Variants in EPCAM observed in about 807,000 individuals in gnomAD.
EPCAM encodes epithelial cell adhesion molecule.
EPCAM carries 39 observed loss-of-function variants against 40.0 expected under a neutral mutation model. The observed-to-expected ratio is 0.98, with a 90% CI of 0.76 to 1.27. The LOEUF is 1.27. EPCAM is among the 50% of genes most tolerant of loss of function. The probability of loss-of-function intolerance (pLI) is 0.00; values close to 1 mark genes in which losing one functional copy is unlikely to be tolerated. For missense variants in EPCAM, 503 were observed against 381.2 expected, an observed-to-expected ratio of 1.32 and a Z score of -2.66; for synonymous variants, 168 against 132.3, an observed-to-expected ratio of 1.27 and a Z score of -1.85.
At chr2:47,380,366 C>T (rs928837268) in intron 7 of EPCAM, among the ~76,000 whole-genome samples, 6 of 152,092 alleles carry the variant, frequency 3.9e-5, no homozygotes, top group African/African-American at 1.4e-4. Flanking sequence ...TATTCCAAAA[C>T]ATTCAGGGAA....
At chr2:47,379,147 C>A in intron 6 of EPCAM, 93 bp downstream of exon 6, 1 of 780,396 alleles carries the variant, frequency 1.3e-6, no homozygotes, top group Non-Finnish European at 2.3e-6. Context: ...TATCCACTTA[C>A]AGATCAACCA....
rs1008581441 is a variant in EPCAM at position 47,385,951 on chromosome 2, T to C, written c.904-621T>C. Among the ~76,000 whole-genome samples the C allele has an allele frequency of 2.0e-5, 3 of 152,252 alleles. No individual in the cohort carries two copies. In the East Asian group the frequency reaches 5.8e-4, roughly 29 times the overall value. On this transcript the variant is annotated intron_variant, in intron 8 of 8. Coordinates refer to ENST00000263735, the MANE Select transcript of EPCAM (RefSeq NM_002354.3). ...TGGTAACAGACAGGCAGAATGACAA[T>C]GTAGTGTTGCAGTGCAGAGCAGTAC...
intron 1 of EPCAM, among the ~76,000 whole-genome samples, chr2:47,371,363 C>G (rs1359866544): frequency 6.7e-6 from 1 of 149,030 alleles, no homozygotes; most frequent in Non-Finnish European, 1.5e-5. Flanking sequence ...CAGGCTCAAG[C>G]GATGCTCTTA....
At position 47,373,985 on chromosome 2, in the gene EPCAM, C is replaced by G. The variant is rs906837557; in HGVS notation, c.362C>G (p.Thr121Ser). 4 of 1,614,164 alleles carry G rather than the reference C, an allele frequency of 2.5e-6. No individual in the cohort carries two copies. The South Asian group carries it at 4.4e-5, about 18-fold the overall frequency. The change falls in exon 3 of 9, where the codon ACT becomes AGT. Residue 121 changes from threonine to serine, a missense_variant. By Grantham distance (58) the Thr-to-Ser change is moderately conservative. Transcript: ENST00000263735. ...ACCTCCATGTGCTGGTGTGTGAACA[C>G]TGCTGGGGTCAGAAGAACAGACAAG... ...NGTSMCWCVN[T>S]AGVRRTDKDT...
intron 7 of EPCAM, among the ~76,000 whole-genome samples, chr2:47,383,600 GCTT>G (rs748996681): frequency 6.7e-5 from 7 of 104,566 alleles, no homozygotes; most frequent in South Asian, 7.2e-4. Context: ...ACTGTGCCCG[GCTT>G]CTTCTTTTTT....
intron 3 of EPCAM, among the ~76,000 whole-genome samples, chr2:47,375,027 G>A (rs901107816): frequency 6.6e-6 from 1 of 152,174 alleles, no homozygotes; most frequent in African/African-American, 2.4e-5. Context: ...TGTGTCCAGA[G>A]AACAGAGGGT....
intron 4 of EPCAM, among the ~76,000 whole-genome samples, chr2:47,376,056 G>A (rs1265906530): frequency 1.3e-5 from 2 of 151,992 alleles, no homozygotes; most frequent in African/African-American, 4.8e-5. Context: ...ATTGTCCTTT[G>A]TAGTAATTTT....
chr2:47,384,514 A>G (rs1311609953), intron 7 of EPCAM, among the ~76,000 whole-genome samples: 2 of 151,306 alleles, frequency 1.3e-5, no homozygotes, highest in African/African-American at 2.4e-5. Context: ...CTCGGGTTCA[A>G]GTGATTTTCC....
chr2:47,386,470 CTT>C, intron 8 of EPCAM, 100 bp from the exon 9 acceptor site: 1 of 875,298 alleles, frequency 1.1e-6, no homozygotes, highest in Non-Finnish European at 1.8e-6. Flanking sequence ...AAAAAATTAT[CTT>C]GTGTTCCTTT....
Position 47,373,939 on chromosome 2 carries a change from A to G in EPCAM, c.316A>G (p.Lys106Glu), listed in dbSNP as rs1224313568. Residue 106 changes from lysine to glutamate, a missense_variant, in exon 3 of 9, where the codon AAG becomes GAG. By Grantham distance (56) the Lys-to-Glu change is moderately conservative. Transcript: ENST00000263735. ...DPDCDESGLF[K>E]AKQCNGTSMC... ...TGACTGCGATGAGAGCGGGCTCTTT[A>G]AGGCCAAGCAGTGCAACGGCACCTC... The G allele has an allele frequency of 6.2e-7, 1 of 1,614,098 alleles. No homozygotes were observed. Among genetic ancestry groups the G allele is most frequent in the South Asian group, 1.1e-5 (1 of 91,072 alleles).
chr2:47,385,160 A>C lies in EPCAM; in HGVS notation c.859-6A>C, dbSNP rs150307203. The C allele has an allele frequency of 6.2e-7, 1 of 1,610,588 alleles. No homozygotes were observed. Among genetic ancestry groups the C allele is most frequent in the Admixed American group, 1.7e-5 (1 of 59,972 alleles). ...CTAAAACAATAGTTGTCTTTCTTCC[A>C]CTCAGGTTATTTCCAGAAAGAAGAG... On this transcript the variant is annotated splice_polypyrimidine_tract_variant and splice_region_variant and intron_variant, in intron 7 of 8. Transcript: ENST00000263735.
intron 1 of EPCAM, 71 bp from the exon 2 acceptor site, chr2:47,373,392 A>G (rs954292257): frequency 1.9e-5 from 18 of 956,574 alleles, no homozygotes; most frequent in South Asian, 9.7e-5. Flanking sequence ...TATTATTACA[A>G]TATAACTTAG....
chr2:47,375,997 C>T (rs1222242488), intron 4 of EPCAM, among the ~76,000 whole-genome samples: 2 of 152,108 alleles, frequency 1.3e-5, no homozygotes, highest in Non-Finnish European at 2.9e-5. Context: ...AGCTTCCGCG[C>T]CCGGCCAGGA....
At chr2:47,381,830 G>A (rs1173596500) in intron 7 of EPCAM, among the ~76,000 whole-genome samples, 1 of 152,140 alleles carries the variant, frequency 6.6e-6, no homozygotes, top group African/African-American at 2.4e-5. Flanking sequence ...GCAGTAGCAT[G>A]ATCATAACTC....
At chr2:47,384,685 C>A (rs769073424) in intron 7 of EPCAM, among the ~76,000 whole-genome samples, 35 of 151,598 alleles carry the variant, frequency 2.3e-4, no homozygotes, top group Non-Finnish European at 4.4e-4. Flanking sequence ...CACAAAGTAC[C>A]GGTGAGCCAC....
intron 1 of EPCAM, 120 bp from the exon 2 acceptor site, chr2:47,373,343 C>A: frequency 4.2e-6 from 3 of 708,962 alleles, no homozygotes; most frequent in South Asian, 1.7e-5. Flanking sequence ...ACATTCAGAA[C>A]CACTTTTTAA....
intron 7 of EPCAM, among the ~76,000 whole-genome samples, chr2:47,381,052 C>G (rs1187105754): frequency 8.1e-6 from 1 of 123,838 alleles, no homozygotes; most frequent in African/African-American, 3.0e-5. Flanking sequence ...TGCCACTGCA[C>G]TCTAATCTGG....
At chr2:47,380,127 G>A (rs1671550372) in intron 7 of EPCAM, among the ~76,000 whole-genome samples, 158 bp downstream of exon 7, 1 of 152,056 alleles carries the variant, frequency 6.6e-6, no homozygotes, top group African/African-American at 2.4e-5. Flanking sequence ...ACCACACTGG[G>A]CAACATGGTG....
At chr2:47,375,707 A>ATTT (rs35742854) in intron 4 of EPCAM, among the ~76,000 whole-genome samples, 4 of 143,514 alleles carry the variant, frequency 2.8e-5, no homozygotes, top group African/African-American at 7.8e-5. Context: ...TTTAGGAAAA[A>ATTT]TTTTTTTTTT....
Sources: gnomAD v4.1 joint callset for allele counts (sites outside exome capture counted in the v4.1 genomes callset) on GRCh38, gnomAD v4.1.1 for gene constraint, MANE v1.5 for transcripts, NCBI Gene and HGNC (gene_info 2026-07-23, HGNC 2026-07-21) for gene names.